RAB3GAP1: variants seen among roughly 807,000 people sequenced by gnomAD.
RAB3GAP1 encodes RAB3 GTPase activating protein catalytic subunit 1, also known as rab3 GTPase-activating protein catalytic subunit.
A neutral mutation model predicts 130.7 loss-of-function variants in RAB3GAP1; 86 were observed. The ratio of observed to expected loss-of-function variants is 0.66; its 90% confidence interval spans 0.55 to 0.79. RAB3GAP1 has a LOEUF of 0.79. RAB3GAP1 is among the 30% of genes least tolerant of loss of function. RAB3GAP1 has a pLI of 0.00. For missense variants in RAB3GAP1, 1,029 were observed against 1,169.4 expected, an observed-to-expected ratio of 0.88 and a Z score of 1.75; for synonymous variants, 367 against 401.7, an observed-to-expected ratio of 0.91 and a Z score of 1.03.
At position 135,169,342 on chromosome 2, in the gene RAB3GAP1, T is replaced by C. The variant is rs1692773109; in HGVS notation, c.*561T>C. The C allele has an allele frequency of 5.4e-6, 1 of 185,482 alleles. No homozygotes were observed. The highest frequency in any genetic ancestry group is 2.4e-5 in the African/African-American group (1 of 41,948). The allele number at this position is 185,482 out of a possible 1,614,324, so 11.5% of individuals were successfully genotyped here. Reference sequence around the variant, plus strand: ...ATTAACTGTTGATGAGCATTTTGGATATTCTAGGAGAAAGCCTATAATTTC... The same window carrying C: ...ATTAACTGTTGATGAGCATTTTGGACATTCTAGGAGAAAGCCTATAATTTC... On this transcript the variant is annotated 3_prime_UTR_variant, in exon 24 of 24. Coordinates refer to ENST00000264158, the MANE Select transcript of RAB3GAP1 (RefSeq NM_012233.3).
At chr2:135,077,795 AATTAGTG>A (rs955621712) in intron 3 of RAB3GAP1, among the ~76,000 whole-genome samples, 25 of 152,280 alleles carry the variant, frequency 1.6e-4, no homozygotes, top group African/African-American at 4.8e-4. Context: ...TTTCTCCAAT[AATTAGTG>A]ATGTTGAGCA....
Position 135,096,387 on chromosome 2 carries a change from A to G in RAB3GAP1, c.362+2694A>G, listed in dbSNP as rs556307684. 3.9e-5 allele frequency among the ~76,000 whole-genome samples: 6 copies of G among 152,344 alleles called. 1 individual carries two copies. The East Asian group carries it at 7.7e-4, about 20-fold the overall frequency. The stretch of plus-strand genomic sequence containing the variant: ...ATAGGCTGTGTAGCACTTTTAAAAA[A>G]GAAAATTATTTGCAAATGCAGGTAA... On this transcript the variant is annotated intron_variant, in intron 5 of 23. Coordinates refer to ENST00000264158, the MANE Select transcript of RAB3GAP1 (RefSeq NM_012233.3).
intron 3 of RAB3GAP1, among the ~76,000 whole-genome samples, chr2:135,066,105 C>T (rs1425660256): frequency 6.6e-6 from 1 of 151,962 alleles, no homozygotes; most frequent in Admixed American, 6.6e-5. Context: ...GTGTCTGAGT[C>T]CAGAAAGTTT....
chr2:135,084,446 A>T (rs1463317372), intron 3 of RAB3GAP1, among the ~76,000 whole-genome samples: 1 of 152,114 alleles, frequency 6.6e-6, no homozygotes, highest in Non-Finnish European at 1.5e-5. Context: ...TTACATTTAG[A>T]TCTGCAAACG....
intron 3 of RAB3GAP1, among the ~76,000 whole-genome samples, chr2:135,084,140 G>T (rs1689909396): frequency 6.6e-6 from 1 of 152,094 alleles, no homozygotes; most frequent in Non-Finnish European, 1.5e-5. Context: ...AGCTACTTGG[G>T]AGGCTGAGGC....
intron 5 of RAB3GAP1, among the ~76,000 whole-genome samples, chr2:135,105,703 A>G (rs1690582823): frequency 7.0e-6 from 1 of 143,224 alleles, no homozygotes; most frequent in African/African-American, 2.6e-5. Context: ...ATCGTCTGGG[A>G]TGTGAGGAGC....
intron 13 of RAB3GAP1, among the ~76,000 whole-genome samples, chr2:135,131,722 C>T (rs1044490739): frequency 2.0e-5 from 3 of 152,230 alleles, no homozygotes; most frequent in Non-Finnish European, 4.4e-5. Context: ...TAAGTCACTT[C>T]AGTTTCCTCA....
At chr2:135,160,036 G>C (rs1276829999) in intron 19 of RAB3GAP1, among the ~76,000 whole-genome samples, 1 of 152,096 alleles carries the variant, frequency 6.6e-6, no homozygotes, top group East Asian at 1.9e-4. Context: ...GGTTTCTTTT[G>C]GGGGAGATGA....
chr2:135,135,529 A>G, intron 16 of RAB3GAP1, 35 bp from the exon 17 acceptor site: 1 of 1,544,816 alleles, frequency 6.5e-7, no homozygotes, highest in Non-Finnish European at 8.8e-7. Context: ...TTCTGTAACT[A>G]ATTCAACTAT....
In RAB3GAP1 at chr2:135,104,991, T is replaced by C. The variant is rs190533164; in HGVS notation, c.363-8160T>C. ...GGGCTCAAAAGCAGATCTGAGATGATAGAAGAAAGAGTTGGGGGATTTGAA... is the reference window on the plus strand; with the variant it reads ...GGGCTCAAAAGCAGATCTGAGATGACAGAAGAAAGAGTTGGGGGATTTGAA... On this transcript the variant is annotated intron_variant, in intron 5 of 23. Transcript: ENST00000264158. Among the ~76,000 whole-genome samples, 338 of 152,200 alleles carry C rather than the reference T, an allele frequency of 2.2e-3. 1 individual carries two copies. The highest frequency in any genetic ancestry group is 7.1e-3 in the African/African-American group (293 of 41,534).
At chr2:135,150,319 C>A in intron 17 of RAB3GAP1, 50 bp from the exon 18 acceptor site, 1 of 1,608,860 alleles carries the variant, frequency 6.2e-7, no homozygotes, top group South Asian at 1.1e-5. Flanking sequence ...TATGGTACTT[C>A]TTTTTCTAAA....
chr2:135,103,982 G>C (rs1447691319), intron 5 of RAB3GAP1, among the ~76,000 whole-genome samples: 1 of 152,144 alleles, frequency 6.6e-6, no homozygotes, highest in Non-Finnish European at 1.5e-5. Context: ...GCTCAAACTG[G>C]AGTGCCAGTT....
At chr2:135,080,301 A>G (rs1558765868) in intron 3 of RAB3GAP1, among the ~76,000 whole-genome samples, 1 of 152,194 alleles carries the variant, frequency 6.6e-6, no homozygotes, top group African/African-American at 2.4e-5. Context: ...AAAAATACTT[A>G]TAATGAACTT....
chr2:135,140,311 C>T (rs2104959770), intron 17 of RAB3GAP1, among the ~76,000 whole-genome samples: 1 of 152,250 alleles, frequency 6.6e-6, no homozygotes, highest in South Asian at 2.1e-4. Context: ...TTTAGTAGAT[C>T]TATCTAAATA....
intron 17 of RAB3GAP1, among the ~76,000 whole-genome samples, chr2:135,139,166 T>C (rs969768034): frequency 6.6e-6 from 1 of 152,214 alleles, no homozygotes; most frequent in Non-Finnish European, 1.5e-5. Flanking sequence ...ATATATATTG[T>C]ATATGTTTTC....
chr2:135,134,722 C>T (rs993370345), intron 15 of RAB3GAP1, among the ~76,000 whole-genome samples: 24 of 152,152 alleles, frequency 1.6e-4, no homozygotes, highest in African/African-American at 3.1e-4. Flanking sequence ...TTAGACAGTC[C>T]GCTCTGGAAC....
At chr2:135,085,476 CAT>C (rs1298371542) in intron 3 of RAB3GAP1, among the ~76,000 whole-genome samples, 3 of 152,112 alleles carry the variant, frequency 2.0e-5, no homozygotes, top group Non-Finnish European at 2.9e-5. Context: ...GTCCAGGAAA[CAT>C]ATTGTGAAGG....
downstream of RAB3GAP1, chr2:135,175,599 A>G (rs1692984339): frequency 6.6e-6 from 1 of 152,182 alleles, no homozygotes; most frequent in Non-Finnish European, 1.5e-5. Context: ...GTAAATAAAA[A>G]TCTATGTTAA....
intron 4 of RAB3GAP1, among the ~76,000 whole-genome samples, chr2:135,092,375 G>C (rs535516222): frequency 6.6e-6 from 1 of 152,308 alleles, no homozygotes; most frequent in African/African-American, 2.4e-5. Flanking sequence ...AAGAGGCTTA[G>C]AATCAGTGCT....
Sources: gnomAD v4.1 joint callset for allele counts (sites outside exome capture counted in the v4.1 genomes callset) on GRCh38, gnomAD v4.1.1 for gene constraint, MANE v1.5 for transcripts, NCBI Gene and HGNC (gene_info 2026-07-23, HGNC 2026-07-21) for gene names.